PARP8: variants seen among roughly 807,000 people sequenced by gnomAD.
PARP8 encodes poly(ADP-ribose) polymerase family member 8.
In PARP8, 51 loss-of-function variants were observed where a neutral mutation model predicts 124.1. The observed-to-expected ratio is 0.41, with a 90% CI of 0.33 to 0.52. The LOEUF is 0.52. Ranked by LOEUF, PARP8 falls within the 20% of genes least tolerant of loss-of-function variation. The probability of loss-of-function intolerance (pLI) is 0.21; values close to 1 mark genes in which losing one functional copy is unlikely to be tolerated. For missense variants in PARP8, 860 were observed against 1,018.9 expected (o/e 0.84, Z 2.12); for synonymous variants, 391 against 361.5 (o/e 1.08, Z -0.93).
chr5:50,701,208 A>G (rs924044064), intron 2 of PARP8, among the ~76,000 whole-genome samples: 3 of 152,132 alleles, frequency 2.0e-5, no homozygotes, highest in African/African-American at 7.2e-5. Context: ...TTTTCTTAAA[A>G]GAATGATAAA....
In PARP8 at chr5:50,844,640, A is replaced by T. The variant is rs1291841105; in HGVS notation, c.*2572A>T. On this transcript the variant is annotated 3_prime_UTR_variant, in exon 26 of 26. Transcript: ENST00000281631. Reference sequence around the variant, plus strand: ...TTCACCAATGCTTTGTAATGGTTTTATTAATTGTGTAGCCATTGCTACTTA... The same window carrying T: ...TTCACCAATGCTTTGTAATGGTTTTTTTAATTGTGTAGCCATTGCTACTTA... 6.6e-6 allele frequency: 1 copy of T among 151,762 alleles called. No homozygotes were observed. The highest frequency in any genetic ancestry group is 2.4e-5 in the African/African-American group (1 of 41,380). 9.4% of individuals were successfully genotyped at this position (151,762 alleles called of 1,614,324 possible).
At chr5:50,761,440 G>C (rs576138131) in intron 5 of PARP8, among the ~76,000 whole-genome samples, 2 of 152,098 alleles carry the variant, frequency 1.3e-5, no homozygotes, top group South Asian at 4.1e-4. Flanking sequence ...GTTGGCAGGG[G>C]AAGTGAGAAC....
chr5:50,668,231 T>TAA (rs1749589840), intron 2 of PARP8, 106 bp downstream of exon 2: 1 of 1,069,088 alleles, frequency 9.4e-7, no homozygotes, highest in African/African-American at 1.6e-5. Flanking sequence ...TTTGTTTGAT[T>TAA]ATTGTGGCTT....
intron 22 of PARP8, among the ~76,000 whole-genome samples, chr5:50,832,323 AACTT>A (rs1383307122): frequency 1.3e-5 from 2 of 152,222 alleles, no homozygotes; most frequent in Non-Finnish European, 2.9e-5. Context: ...CAGACAAAAA[AACTT>A]ACATAATTTG....
At position 50,846,132 on chromosome 5, in the gene PARP8, AAAT is replaced by A. The variant is rs1426263922; in HGVS notation, c.*4069_*4071del. 1.5e-4 allele frequency: 23 copies of A among 151,802 alleles called. No individual in the cohort carries two copies. Among genetic ancestry groups the A allele is most frequent in the African/African-American group, 5.1e-4 (21 of 41,402 alleles). 9.4% of individuals were successfully genotyped at this position (151,802 alleles called of 1,614,324 possible). On this transcript the variant is annotated 3_prime_UTR_variant, in exon 26 of 26. Coordinates refer to ENST00000281631, the MANE Select transcript of PARP8 (RefSeq NM_024615.4). The stretch of plus-strand genomic sequence containing the variant: ...TAGTCAATATAATTTAATGTTCTAA[AAAT>A]AATATCTTCGATCTGCCCAATATTT...
intron 2 of PARP8, among the ~76,000 whole-genome samples, chr5:50,672,840 G>A (rs1750188662): frequency 6.6e-6 from 1 of 152,090 alleles, no homozygotes; most frequent in African/African-American, 2.4e-5. Flanking sequence ...AAGGAGAAGT[G>A]TATGTGTGTG....
intron 2 of PARP8, among the ~76,000 whole-genome samples, chr5:50,670,870 T>A (rs1042164112): frequency 6.6e-6 from 1 of 152,202 alleles, no homozygotes; most frequent in African/African-American, 2.4e-5. Flanking sequence ...AGTTACAGTT[T>A]AAAGAAAAAC....
intron 7 of PARP8, among the ~76,000 whole-genome samples, chr5:50,774,862 G>A (rs1330806686): frequency 5.4e-5 from 8 of 147,878 alleles, no homozygotes; most frequent in Non-Finnish European, 1.0e-4. Flanking sequence ...GCCAGGCAGA[G>A]ACGCTCCTCA....
intron 7 of PARP8, among the ~76,000 whole-genome samples, chr5:50,764,102 A>C (rs1760828230): frequency 6.6e-6 from 1 of 152,210 alleles, no homozygotes. Context: ...CCTTCTTGGA[A>C]TCTCCAGTGC....
chr5:50,825,218 G>A (rs921482042), intron 18 of PARP8, among the ~76,000 whole-genome samples: 69 of 152,102 alleles, frequency 4.5e-4, no homozygotes, highest in African/African-American at 1.6e-3. Context: ...GGGATAAATA[G>A]TGCATTTGAC....
At chr5:50,673,146 C>T (rs1750231536) in intron 2 of PARP8, among the ~76,000 whole-genome samples, 1 of 152,096 alleles carries the variant, frequency 6.6e-6, no homozygotes, top group South Asian at 2.1e-4. Flanking sequence ...GTCCTGGGAA[C>T]CTGCCTCAGG....
chr5:50,705,652 G>T (rs1433878096), intron 2 of PARP8, among the ~76,000 whole-genome samples: 1 of 152,070 alleles, frequency 6.6e-6, no homozygotes. Context: ...GGGCGTGATG[G>T]CGTGCGCCTG....
At chr5:50,687,984 T>TCTCAA (rs1752057044) in intron 2 of PARP8, among the ~76,000 whole-genome samples, 1 of 152,182 alleles carries the variant, frequency 6.6e-6, no homozygotes, top group South Asian at 2.1e-4. Context: ...CTCAAGTAGC[T>TCTCAA]GGGACTACAG....
rs530489893 is a variant in PARP8, at chr5:50,787,205, T to G, written c.671-1318T>G. On this transcript the variant is annotated intron_variant, in intron 9 of 25. Coordinates refer to ENST00000281631, the MANE Select transcript of PARP8 (RefSeq NM_024615.4). ...ATGTTCATCACCTCCACGGACGAAG[T>G]TCTATATATCTTGCTTCACTTGTTG... Among the ~76,000 whole-genome samples, 13 of 152,190 alleles carry G rather than the reference T, an allele frequency of 8.5e-5. No individual in the cohort carries two copies. In the South Asian group the frequency reaches 2.7e-3, roughly 32 times the overall value.
intron 25 of PARP8, among the ~76,000 whole-genome samples, chr5:50,838,029 A>G (rs941180026): frequency 1.3e-5 from 2 of 152,076 alleles, no homozygotes; most frequent in Non-Finnish European, 2.9e-5. Context: ...TTAGGAAGCT[A>G]TTTTCAAAAG....
At chr5:50,730,722 A>G (rs897444131) in intron 2 of PARP8, among the ~76,000 whole-genome samples, 12 of 152,156 alleles carry the variant, frequency 7.9e-5, no homozygotes, top group Non-Finnish European at 8.8e-5. Context: ...TTTATTGAAA[A>G]CCAGAGATTA....
At chr5:50,797,295 G>C (rs1742668282) in intron 14 of PARP8, 62 bp downstream of exon 14, 3 of 1,183,512 alleles carry the variant, frequency 2.5e-6, no homozygotes, top group Non-Finnish European at 3.5e-6. Context: ...GAAAAGATTT[G>C]AAATATAAAA....
rs370527059 is a variant in PARP8, at chr5:50,729,934, C to A, written c.147-20217C>A. Among the ~76,000 whole-genome samples the A allele has an allele frequency of 7.9e-5, 12 of 152,238 alleles. No homozygotes were observed. In the East Asian group the frequency reaches 2.1e-3, roughly 27 times the overall value. ...GCTGAACAGAATTCATTTTACAATG[C>A]AGAGTGAGAAAAGAAGGGAGCTATA... On this transcript the variant is annotated intron_variant, in intron 2 of 25. Coordinates refer to ENST00000281631, the MANE Select transcript of PARP8 (RefSeq NM_024615.4).
At chr5:50,670,609 A>G (rs1287081571) in intron 2 of PARP8, among the ~76,000 whole-genome samples, 2 of 152,256 alleles carry the variant, frequency 1.3e-5, no homozygotes, top group Non-Finnish European at 2.9e-5. Flanking sequence ...GTGGCAGTTA[A>G]CATCTTGCTA....
Sources: gnomAD v4.1 joint callset for allele counts (sites outside exome capture counted in the v4.1 genomes callset) on GRCh38, gnomAD v4.1.1 for gene constraint, MANE v1.5 for transcripts, NCBI Gene and HGNC (gene_info 2026-07-23, HGNC 2026-07-21) for gene names.